NCALD: variants seen among roughly 807,000 people sequenced by gnomAD.
NCALD encodes the protein neurocalcin delta.
In NCALD, 10 loss-of-function variants were observed where a neutral mutation model predicts 18.6. The observed-to-expected ratio is 0.54, with a 90% CI of 0.33 to 0.91. The LOEUF (loss-of-function observed/expected upper bound fraction) is 0.91. NCALD is among the 40% of genes least tolerant of loss of function. NCALD has a pLI of 0.03. For synonymous variants in NCALD, 88 were observed against 87.4 expected, an observed-to-expected ratio of 1.01 and a Z score of -0.04; for missense variants, 184 against 247.6, an observed-to-expected ratio of 0.74 and a Z score of 1.72.
chr8:101,990,382 A>G (rs1586881858), intron 2 of NCALD, among the ~76,000 whole-genome samples: 1 of 152,208 alleles, frequency 6.6e-6, no homozygotes, highest in Non-Finnish European at 1.5e-5. Context: ...TGGGAAAATG[A>G]AGAAATAGGC....
chr8:102,111,546 A>G (rs1032901478), intron 1 of NCALD, among the ~76,000 whole-genome samples: 5 of 152,148 alleles, frequency 3.3e-5, no homozygotes, highest in Non-Finnish European at 7.3e-5. Context: ...GCCTTTAAAA[A>G]TACAATAACA....
chr8:101,796,366 A>G (rs545028874), intron 4 of NCALD, among the ~76,000 whole-genome samples: 1 of 152,344 alleles, frequency 6.6e-6, no homozygotes, highest in East Asian at 1.9e-4. Flanking sequence ...AAAAATAGGC[A>G]ATATAGGTAG....
intron 2 of NCALD, among the ~76,000 whole-genome samples, chr8:101,922,179 A>C (rs1818190831): frequency 6.6e-6 from 1 of 151,840 alleles, no homozygotes. Flanking sequence ...TGTCTCTGGA[A>C]ATGATGATGC....
Position 101,932,189 on chromosome 8 carries a change from TCCAGGCCC to T in NCALD, c.-156-16339_-156-16332del, listed in dbSNP as rs535183149. ...CCAGGGCATGTTCTGTCTTTCAGCC[TCCAGGCCC>T]CCTCCCCTGCCACAGGGACTTGCAG... On this transcript the variant is annotated intron_variant, in intron 2 of 6. Transcript: ENST00000311028. Among the ~76,000 whole-genome samples, 315 of 152,246 alleles carry T rather than the reference TCCAGGCCC, an allele frequency of 2.1e-3. 1 individual carries two copies. The highest frequency in any genetic ancestry group is 7.1e-3 in the African/African-American group (297 of 41,554).
intron 3 of NCALD, among the ~76,000 whole-genome samples, chr8:101,904,233 T>G (rs954906783): frequency 6.6e-6 from 1 of 152,012 alleles, no homozygotes; most frequent in Admixed American, 6.6e-5. Flanking sequence ...CACCTTTGAG[T>G]TCTTCATCAA....
At chr8:101,945,425 G>A (rs987865780) in intron 2 of NCALD, among the ~76,000 whole-genome samples, 3 of 152,140 alleles carry the variant, frequency 2.0e-5, no homozygotes, top group Non-Finnish European at 2.9e-5. Flanking sequence ...AACACAAACC[G>A]TGACAAGTTA....
At chr8:101,780,557 G>A (rs556807473) in intron 1 of NCALD, among the ~76,000 whole-genome samples, 1 of 152,202 alleles carries the variant, frequency 6.6e-6, no homozygotes, top group South Asian at 2.1e-4. Flanking sequence ...GGTTGGCAGG[G>A]GCTGATGGGG....
rs73696567 is a variant in NCALD, at chr8:101,910,758, C to T, written c.-107+5051G>A. 3.1e-3 allele frequency among the ~76,000 whole-genome samples: 478 copies of T among 152,246 alleles called. 6 individuals carry two copies. Among genetic ancestry groups the T allele is most frequent in the African/African-American group, 0.011 (451 of 41,536 alleles). On this transcript the variant is annotated intron_variant, in intron 3 of 6. Transcript: ENST00000311028. Reference sequence around the variant, plus strand: ...TGTACCAGATTTCTATATTAAGGTACATGGCAAATATATCTGATAAAACCA... The same window carrying T: ...TGTACCAGATTTCTATATTAAGGTATATGGCAAATATATCTGATAAAACCA...
At chr8:102,070,826 T>A (rs1436446820) in intron 1 of NCALD, among the ~76,000 whole-genome samples, 1 of 152,172 alleles carries the variant, frequency 6.6e-6, no homozygotes, top group Non-Finnish European at 1.5e-5. Flanking sequence ...AATGGCTGCT[T>A]ACCGGGAAAA....
chr8:101,823,645 C>T (rs981688041), intron 4 of NCALD, among the ~76,000 whole-genome samples: 9 of 152,150 alleles, frequency 5.9e-5, no homozygotes, highest in African/African-American at 2.2e-4. Flanking sequence ...AGCCAATGGA[C>T]ATTACAGGTC....
chr8:101,723,802 G>A (rs1366980373), intron 1 of NCALD, among the ~76,000 whole-genome samples: 2 of 152,042 alleles, frequency 1.3e-5, no homozygotes, highest in Non-Finnish European at 2.9e-5. Context: ...TATAAACAAT[G>A]TTAATTCAGT....
intron 1 of NCALD, among the ~76,000 whole-genome samples, chr8:102,111,021 T>G (rs899318300): frequency 1.1e-4 from 17 of 152,076 alleles, no homozygotes; most frequent in African/African-American, 4.1e-4. Context: ...AGAAAAAAAC[T>G]CTATATTAAG....
intron 1 of NCALD, among the ~76,000 whole-genome samples, chr8:102,028,206 C>T (rs903409623): frequency 2.6e-5 from 4 of 152,116 alleles, no homozygotes; most frequent in South Asian, 2.1e-4. Flanking sequence ...GGTCAGGAAA[C>T]GAATATGAAC....
intron 4 of NCALD, among the ~76,000 whole-genome samples, chr8:101,845,112 G>A (rs1347003002): frequency 6.6e-6 from 1 of 152,222 alleles, no homozygotes; most frequent in Non-Finnish European, 1.5e-5. Flanking sequence ...AAGGGAGCCA[G>A]GGGCAGTGCC....
intron 2 of NCALD, among the ~76,000 whole-genome samples, chr8:102,006,034 A>C (rs1322241620): frequency 7.0e-6 from 1 of 143,580 alleles, no homozygotes; most frequent in Non-Finnish European, 1.5e-5. Context: ...TATAATAATA[A>C]AAAAAAAAAA....
intron 3 of NCALD, among the ~76,000 whole-genome samples, chr8:101,904,821 T>C (rs1241052638): frequency 1.3e-5 from 2 of 152,186 alleles, no homozygotes; most frequent in Non-Finnish European, 2.9e-5. Flanking sequence ...CTTTCTGTTC[T>C]ACCCTTCTGA....
chr8:101,858,501 A>G (rs1169411301), intron 4 of NCALD, among the ~76,000 whole-genome samples: 4 of 152,152 alleles, frequency 2.6e-5, no homozygotes, highest in African/African-American at 9.7e-5. Flanking sequence ...CTGATACTGG[A>G]GGTTTACTCA....
chr8:101,777,283 TATGAA>T (rs1454646989), intron 1 of NCALD, among the ~76,000 whole-genome samples: 1 of 152,190 alleles, frequency 6.6e-6, no homozygotes, highest in East Asian at 1.9e-4. Context: ...AGGACACAGA[TATGAA>T]ATGAGACACC....
chr8:102,081,637 C>G (rs1204674579), intron 1 of NCALD, among the ~76,000 whole-genome samples: 1 of 151,806 alleles, frequency 6.6e-6, no homozygotes, highest in Non-Finnish European at 1.5e-5. Flanking sequence ...TGCAATTCTC[C>G]CATTAGTTCA....
Sources: allele counts gnomAD v4.1 joint callset (sites outside exome capture counted in the v4.1 genomes callset), GRCh38; gene constraint gnomAD v4.1.1; transcripts MANE v1.5; gene names NCBI Gene and HGNC (gene_info 2026-07-23, HGNC 2026-07-21).